CTNND2: variants seen among roughly 807,000 people sequenced by gnomAD.
The protein encoded by CTNND2 is catenin delta 2, also known as catenin delta-2.
In CTNND2, 22 loss-of-function variants were observed where a neutral mutation model predicts 144.4. That is an observed-to-expected ratio of 0.15 (90% confidence interval 0.11 to 0.22). The LOEUF (loss-of-function observed/expected upper bound fraction) is 0.22, where lower values mean the gene tolerates loss of function less well. Among genes scored for constraint, CTNND2 ranks in the 10% least tolerant of loss-of-function variants. CTNND2 has a pLI of 1.00. For synonymous variants in CTNND2, 751 were observed against 695.6 expected (o/e 1.08, Z -1.25); for missense variants, 1,353 against 1,618.8 (o/e 0.84, Z 2.82).
At chr5:11,747,191 G>T (rs1288067587) in intron 1 of CTNND2, among the ~76,000 whole-genome samples, 1 of 152,140 alleles carries the variant, frequency 6.6e-6, no homozygotes, top group Non-Finnish European at 1.5e-5. Flanking sequence ...ACAGCTGATT[G>T]ATGGGTTTAC....
chr5:11,523,143 T>C (rs1772910011), intron 3 of CTNND2, among the ~76,000 whole-genome samples: 1 of 152,220 alleles, frequency 6.6e-6, no homozygotes, highest in African/African-American at 2.4e-5. Flanking sequence ...GCTGGAAGTT[T>C]AATACATAAT....
chr5:11,867,170 T>G (rs765319062), intron 1 of CTNND2, among the ~76,000 whole-genome samples: 3 of 152,192 alleles, frequency 2.0e-5, no homozygotes, highest in Non-Finnish European at 4.4e-5. Flanking sequence ...CAGGGACAGT[T>G]TCAACAAGCC....
intron 1 of CTNND2, among the ~76,000 whole-genome samples, chr5:11,837,918 C>T (rs568649952): frequency 6.6e-6 from 1 of 152,188 alleles, no homozygotes; most frequent in Admixed American, 6.5e-5. Flanking sequence ...TATTTTTGCT[C>T]TTATTAATTT....
intron 9 of CTNND2, among the ~76,000 whole-genome samples, chr5:11,279,304 C>T (rs1387716329): frequency 3.3e-5 from 5 of 152,182 alleles, no homozygotes. Flanking sequence ...CTCACCATTT[C>T]CAGCAGCTCA....
At chr5:11,426,266 C>T (rs1762762919) in intron 3 of CTNND2, among the ~76,000 whole-genome samples, 1 of 152,200 alleles carries the variant, frequency 6.6e-6, no homozygotes, top group African/African-American at 2.4e-5. Context: ...CCTTACTGCT[C>T]ATGAGAAATG....
At chr5:11,839,736 A>G (rs1004968404) in intron 1 of CTNND2, among the ~76,000 whole-genome samples, 1 of 152,060 alleles carries the variant, frequency 6.6e-6, no homozygotes, top group South Asian at 2.1e-4. Context: ...CTTGGCTCCA[A>G]AAGTGAGTGT....
intron 2 of CTNND2, among the ~76,000 whole-genome samples, chr5:11,718,766 A>G (rs1018763514): frequency 2.6e-5 from 4 of 152,176 alleles, no homozygotes; most frequent in Non-Finnish European, 5.9e-5. Context: ...ATCTCATGTA[A>G]TAATCTGTCA....
chr5:11,609,329 T>C lies in CTNND2; in HGVS notation c.175-44273A>G, dbSNP rs551109998. On this transcript the variant is annotated intron_variant, in intron 2 of 21. Coordinates refer to ENST00000304623, the MANE Select transcript of CTNND2 (RefSeq NM_001332.4). ...TCCACTAAATCTGAGAGTGTTTTATTTATTTTTTCTTTTTGATGAATTATG... is the reference window on the plus strand; with the variant it reads ...TCCACTAAATCTGAGAGTGTTTTATCTATTTTTTCTTTTTGATGAATTATG... Among the ~76,000 whole-genome samples, 67 of 152,320 alleles carry C rather than the reference T, an allele frequency of 4.4e-4. No individual in the cohort carries two copies. In the South Asian group the frequency reaches 0.011, roughly 26 times the overall value.
chr5:11,428,289 C>T (rs181631813), intron 3 of CTNND2, among the ~76,000 whole-genome samples: 39 of 152,240 alleles, frequency 2.6e-4, no homozygotes, highest in African/African-American at 8.9e-4. Flanking sequence ...ATCAGCAATC[C>T]CTGGTTCAAA....
At chr5:11,744,747 T>C (rs576912433) in intron 1 of CTNND2, among the ~76,000 whole-genome samples, 1 of 151,942 alleles carries the variant, frequency 6.6e-6, no homozygotes, top group Non-Finnish European at 1.5e-5. Flanking sequence ...TTTATTATTT[T>C]ATTATTATTA....
At chr5:11,822,206 C>T (rs1386761646) in intron 1 of CTNND2, among the ~76,000 whole-genome samples, 1 of 152,166 alleles carries the variant, frequency 6.6e-6, no homozygotes. Flanking sequence ...GAGCAAACTC[C>T]TATCCTGACC....
chr5:11,385,905 G>A (rs1375549229), intron 6 of CTNND2: 1 of 151,948 alleles, frequency 6.6e-6, no homozygotes. Flanking sequence ...TTGGAAATGA[G>A]AATGCTAAAA....
intron 2 of CTNND2, among the ~76,000 whole-genome samples, chr5:11,596,059 C>T (rs1295559972): frequency 1.3e-5 from 2 of 152,268 alleles, no homozygotes; most frequent in East Asian, 1.9e-4. Context: ...TTGCAGAATG[C>T]AAAATTTTCA....
intron 15 of CTNND2, among the ~76,000 whole-genome samples, chr5:11,095,720 TTGGTGTTTAGATG>T (rs1390544000): frequency 6.6e-6 from 1 of 152,202 alleles, no homozygotes; most frequent in Non-Finnish European, 1.5e-5. Context: ...ATCCTTAAAT[TTGGTGTTTAGATG>T]TGGCGCAGTT....
intron 9 of CTNND2, among the ~76,000 whole-genome samples, chr5:11,288,531 G>C (rs192077571): frequency 6.6e-6 from 1 of 152,052 alleles, no homozygotes; most frequent in Non-Finnish European, 1.5e-5. Context: ...AACCTATACC[G>C]TGGGCTTGCT....
At chr5:11,130,282 G>A (rs981813899) in intron 12 of CTNND2, among the ~76,000 whole-genome samples, 5 of 151,974 alleles carry the variant, frequency 3.3e-5, no homozygotes, top group African/African-American at 4.8e-5. Context: ...ACCCATAAAC[G>A]TAAGCCATCA....
chr5:11,473,060 A>C (rs1190385440), intron 3 of CTNND2, among the ~76,000 whole-genome samples: 1 of 152,054 alleles, frequency 6.6e-6, no homozygotes, highest in Non-Finnish European at 1.5e-5. Context: ...ACAGAGCAAA[A>C]CTCTGCCTCA....
chr5:11,441,762 C>G (rs925790613), intron 3 of CTNND2, among the ~76,000 whole-genome samples: 1 of 151,886 alleles, frequency 6.6e-6, no homozygotes, highest in African/African-American at 2.4e-5. Flanking sequence ...AGTTTCTCAG[C>G]TCATTACCCT....
rs547825892 is a variant in CTNND2, at chr5:11,243,216, G to A, written c.1629-6393C>T. Among the ~76,000 whole-genome samples, 21 of 152,328 alleles carry A rather than the reference G, an allele frequency of 1.4e-4. No homozygotes were observed. In the South Asian group the frequency reaches 3.9e-3, roughly 29 times the overall value. On this transcript the variant is annotated intron_variant, in intron 9 of 21. Coordinates refer to ENST00000304623, the MANE Select transcript of CTNND2 (RefSeq NM_001332.4). ...TTCCTAACTCCCCTTGGGAGGCAGT[G>A]TGCTAGAGTGGGAAATGGTCTTTGG...
Sources: gnomAD v4.1 joint callset for allele counts (sites outside exome capture counted in the v4.1 genomes callset) on GRCh38, gnomAD v4.1.1 for gene constraint, MANE v1.5 for transcripts, NCBI Gene and HGNC (gene_info 2026-07-23, HGNC 2026-07-21) for gene names.